Variants in PDLIM5 observed in about 807,000 individuals in gnomAD.
PDLIM5 encodes the protein PDZ and LIM domain protein 5.
PDLIM5 carries 34 observed loss-of-function variants against 64.2 expected under a neutral mutation model. The observed-to-expected ratio is 0.53, with a 90% CI of 0.40 to 0.71. The LOEUF is 0.71. Among genes scored for constraint, PDLIM5 ranks in the 30% least tolerant of loss-of-function variants. PDLIM5 has a pLI of 0.00. For missense variants in PDLIM5, 683 were observed against 733.6 expected (o/e 0.93, Z 0.80); for synonymous variants, 253 against 269.1 (o/e 0.94, Z 0.59).
At chr4:94,496,993 G>A (rs1727460451) in intron 2 of PDLIM5, among the ~76,000 whole-genome samples, 1 of 152,132 alleles carries the variant, frequency 6.6e-6, no homozygotes, top group South Asian at 2.1e-4. Context: ...TGCATAAAAA[G>A]GCATTAAAAT....
intron 7 of PDLIM5, among the ~76,000 whole-genome samples, chr4:94,616,399 A>T (rs1408417880): frequency 6.6e-6 from 1 of 152,210 alleles, no homozygotes; most frequent in Non-Finnish European, 1.5e-5. Flanking sequence ...ATACATAATT[A>T]TCTTATTTAA....
intron 3 of PDLIM5, among the ~76,000 whole-genome samples, chr4:94,568,850 G>T (rs1734563891): frequency 6.6e-6 from 1 of 152,100 alleles, no homozygotes; most frequent in South Asian, 2.1e-4. Flanking sequence ...ATGTACCTAA[G>T]GAGATAACAA....
At chr4:94,558,831 G>A (rs1017759485) in intron 3 of PDLIM5, among the ~76,000 whole-genome samples, 1 of 151,806 alleles carries the variant, frequency 6.6e-6, no homozygotes, top group Non-Finnish European at 1.5e-5. Flanking sequence ...TTGCAGGGAG[G>A]GGGGTTAGTA....
intron 7 of PDLIM5, among the ~76,000 whole-genome samples, chr4:94,593,961 C>G (rs932086473): frequency 5.3e-5 from 8 of 152,100 alleles, no homozygotes; most frequent in African/African-American, 1.7e-4. Flanking sequence ...TATGCCCCAC[C>G]ATGTTTGGTA....
At chr4:94,619,285 C>T (rs1167031804) in intron 8 of PDLIM5, among the ~76,000 whole-genome samples, 1 of 152,100 alleles carries the variant, frequency 6.6e-6, no homozygotes, top group Non-Finnish European at 1.5e-5. Context: ...ATTTCCCTGT[C>T]TCCTTTCCCC....
chr4:94,576,328 A>G (rs1320651608), intron 5 of PDLIM5, among the ~76,000 whole-genome samples: 1 of 152,222 alleles, frequency 6.6e-6, no homozygotes, highest in African/African-American at 2.4e-5. Context: ...CTTGTAATGC[A>G]AGGCAAATCT....
At chr4:94,644,770 T>C (rs1057121583) in intron 9 of PDLIM5, among the ~76,000 whole-genome samples, 1 of 152,102 alleles carries the variant, frequency 6.6e-6, no homozygotes, top group African/African-American at 2.4e-5. Context: ...CTTGATCTCC[T>C]GACCTCATGA....
chr4:94,599,705 A>T (rs375133626), intron 7 of PDLIM5, among the ~76,000 whole-genome samples: 2 of 152,092 alleles, frequency 1.3e-5, no homozygotes, highest in East Asian at 1.9e-4. Context: ...TGGGGTGAAG[A>T]GGAAGGCAGT....
intron 8 of PDLIM5, among the ~76,000 whole-genome samples, chr4:94,630,438 G>A (rs768246059): frequency 1.3e-5 from 2 of 152,046 alleles, no homozygotes; most frequent in Non-Finnish European, 2.9e-5. Context: ...CCAGTGGCGT[G>A]ACCTGGGCTC....
intron 8 of PDLIM5, 140 bp downstream of exon 8, chr4:94,618,331 CTATAGCTATTTTT>C: frequency 2.0e-6 from 1 of 496,824 alleles, no homozygotes; most frequent in Non-Finnish European, 3.5e-6. Context: ...CAGGATTAAA[CTATAGCTATTTTT>C]CTCTCTGAGA....
intron 2 of PDLIM5, among the ~76,000 whole-genome samples, chr4:94,515,834 TCTCA>T (rs1729310091): frequency 6.6e-6 from 1 of 152,242 alleles, no homozygotes. Flanking sequence ...CTATCATTTC[TCTCA>T]CTATTCCAGA....
chr4:94,552,210 C>T (rs964814395), intron 3 of PDLIM5, among the ~76,000 whole-genome samples: 6 of 152,026 alleles, frequency 3.9e-5, no homozygotes, highest in Non-Finnish European at 8.8e-5. Context: ...TTTTCAGAAT[C>T]TTGAGAGGTT....
chr4:94,636,237 A>G (rs561662253), intron 8 of PDLIM5, among the ~76,000 whole-genome samples: 1 of 152,184 alleles, frequency 6.6e-6, no homozygotes, highest in East Asian at 1.9e-4. Flanking sequence ...GTGACTCAGT[A>G]CTTTAGAGCT....
chr4:94,659,484 A>G (rs547605479), intron 11 of PDLIM5, among the ~76,000 whole-genome samples: 33,287 of 130,998 alleles, frequency 0.25, 4,371 homozygotes, highest in Non-Finnish European at 0.31. Context: ...GCTGTAGTAT[A>G]TATGTGTGTA....
chr4:94,508,983 T>G (rs1728633789), intron 2 of PDLIM5, among the ~76,000 whole-genome samples: 2 of 152,222 alleles, frequency 1.3e-5, no homozygotes, highest in Non-Finnish European at 2.9e-5. Flanking sequence ...AGTACATACT[T>G]CTTTCCTTTT....
intron 2 of PDLIM5, among the ~76,000 whole-genome samples, chr4:94,498,401 T>C (rs1322583256): frequency 6.6e-6 from 1 of 152,234 alleles, no homozygotes; most frequent in Non-Finnish European, 1.5e-5. Context: ...TTTTTGAAAT[T>C]CTTTCTGCCT....
At chr4:94,501,681 A>G (rs1410094289) in intron 2 of PDLIM5, among the ~76,000 whole-genome samples, 4 of 152,174 alleles carry the variant, frequency 2.6e-5, no homozygotes, top group East Asian at 1.9e-4. Context: ...AAGACTGACA[A>G]TCCTCACAGT....
At chr4:94,578,535 T>C (rs1735472536) in intron 5 of PDLIM5, among the ~76,000 whole-genome samples, 1 of 152,192 alleles carries the variant, frequency 6.6e-6, no homozygotes, top group African/African-American at 2.4e-5. Context: ...ATAAAGTGTG[T>C]TGTCTGTGAA....
intron 2 of PDLIM5, among the ~76,000 whole-genome samples, chr4:94,459,583 C>T (rs1057309835): frequency 4.3e-4 from 65 of 152,246 alleles, no homozygotes; most frequent in African/African-American, 1.5e-3. Flanking sequence ...TCCTAGAAGC[C>T]ACTGAAGAAG....
Sources: allele counts gnomAD v4.1 joint callset (sites outside exome capture counted in the v4.1 genomes callset), GRCh38; gene constraint gnomAD v4.1.1; transcripts MANE v1.5; gene names NCBI Gene and HGNC (gene_info 2026-07-23, HGNC 2026-07-21).